CRACDL: variants seen among roughly 807,000 people sequenced by gnomAD.
The protein encoded by CRACDL is CRACD like.
CRACDL carries 26 observed loss-of-function variants against 70.6 expected under a neutral mutation model. The ratio of observed to expected loss-of-function variants is 0.37; its 90% CI spans 0.27 to 0.51. The LOEUF (loss-of-function observed/expected upper bound fraction) is 0.51. Ranked by LOEUF, CRACDL falls within the 20% of genes least tolerant of loss-of-function variation. The probability of loss-of-function intolerance (pLI) is 0.94; values close to 1 mark genes in which losing one functional copy is unlikely to be tolerated. For missense variants in CRACDL, 1,283 were observed against 1,376.9 expected, an observed-to-expected ratio of 0.93 and a Z score of 1.08; for synonymous variants, 618 against 615.2, an observed-to-expected ratio of 1.00 and a Z score of -0.07.
chr2:98,922,438 CAAAAAAA>C (rs565954351), intron 1 of CRACDL, among the ~76,000 whole-genome samples: 2 of 63,464 alleles, frequency 3.2e-5, no homozygotes, highest in Non-Finnish European at 3.4e-5. Context: ...GACTCCGTCT[CAAAAAAA>C]AAAAAAAAAA....
chr2:98,831,245 A>T (rs1705529928), intron 5 of CRACDL, among the ~76,000 whole-genome samples: 1 of 152,190 alleles, frequency 6.6e-6, no homozygotes, highest in Admixed American at 6.5e-5. Context: ...AGCCGGCTTC[A>T]TGTCAGTCCC....
chr2:98,854,533 G>C (rs1340508383), intron 1 of CRACDL, among the ~76,000 whole-genome samples: 2 of 151,760 alleles, frequency 1.3e-5, no homozygotes, highest in Non-Finnish European at 2.9e-5. Context: ...AAAATGAATA[G>C]GTAAGTGACT....
At chr2:98,914,004 T>G (rs1412983451) in intron 1 of CRACDL, among the ~76,000 whole-genome samples, 1 of 152,192 alleles carries the variant, frequency 6.6e-6, no homozygotes, top group African/African-American at 2.4e-5. Context: ...GCTGCCTCCC[T>G]CCCAGAATGG....
At chr2:98,807,366 T>C (rs961076786) in intron 7 of CRACDL, among the ~76,000 whole-genome samples, 3 of 152,268 alleles carry the variant, frequency 2.0e-5, no homozygotes, top group Non-Finnish European at 4.4e-5. Flanking sequence ...CATTTTGGGC[T>C]GGATAGGTCT....
chr2:98,916,933 G>T (rs760268465), intron 1 of CRACDL, among the ~76,000 whole-genome samples: 2 of 152,196 alleles, frequency 1.3e-5, no homozygotes, highest in Non-Finnish European at 2.9e-5. Flanking sequence ...CTAAATGACA[G>T]TACTTTGCAC....
intron 6 of CRACDL, 85 bp downstream of exon 6, chr2:98,826,890 G>T: frequency 1.0e-6 from 1 of 977,320 alleles, no homozygotes; most frequent in South Asian, 1.5e-5. Flanking sequence ...ACCCTGTGTG[G>T]GGGAGTGAGG....
chr2:98,915,700 C>T lies in CRACDL; in HGVS notation c.-11+20238G>A, dbSNP rs139830446. Among the ~76,000 whole-genome samples the T allele has an allele frequency of 1.9e-4, 29 of 152,252 alleles. 1 individual carries two copies. The East Asian group carries it at 5.6e-3, about 29-fold the overall frequency. ...GTGGGGGAAATAGCTGTGAGCCACA[C>T]ATAGGTGTAGGCAAGGGCATGAGTG... On this transcript the variant is annotated intron_variant, in intron 1 of 9. Transcript: ENST00000397899.
chr2:98,901,121 C>G (rs959834475), intron 1 of CRACDL, among the ~76,000 whole-genome samples: 1 of 152,188 alleles, frequency 6.6e-6, no homozygotes, highest in Non-Finnish European at 1.5e-5. Flanking sequence ...CTTAGAGTAC[C>G]GTGACCTTGG....
At chr2:98,795,077 A>ATAT in intron 9 of CRACDL, among the ~76,000 whole-genome samples, 5 of 58,496 alleles carry the variant, frequency 8.5e-5, no homozygotes, top group South Asian at 9.8e-4. Context: ...ATATATATAT[A>ATAT]TTTTTTTTTT....
At chr2:98,826,504 G>A (rs1559218336) in intron 6 of CRACDL, among the ~76,000 whole-genome samples, 1 of 152,222 alleles carries the variant, frequency 6.6e-6, no homozygotes. Flanking sequence ...TGAACGGGCA[G>A]GGTGAGTTTT....
At chr2:98,921,254 C>T (rs1362117640) in intron 1 of CRACDL, among the ~76,000 whole-genome samples, 1 of 152,204 alleles carries the variant, frequency 6.6e-6, no homozygotes, top group Non-Finnish European at 1.5e-5. Context: ...CCAGAAGGTC[C>T]CACCCAGCCC....
At chr2:98,869,012 G>T in intron 1 of CRACDL, 1 of 1,078,590 alleles carries the variant, frequency 9.3e-7, no homozygotes, top group Non-Finnish European at 1.3e-6. Context: ...CGCCCCGGGA[G>T]TCACGGCCTG....
At chr2:98,827,969 T>C (rs541838675) in intron 5 of CRACDL, among the ~76,000 whole-genome samples, 6 of 152,366 alleles carry the variant, frequency 3.9e-5, no homozygotes, top group Non-Finnish European at 8.8e-5. Context: ...CTCTGTGTGC[T>C]CATGTATCCT....
At position 98,929,479 on chromosome 2, in the gene CRACDL, C is replaced by T. The variant is rs574007688; in HGVS notation, c.-11+6459G>A. ...AGCATCTACAGTGGGACGGGGGAGC[C>T]GCCTCTCTGGTCATGTCTCTGTCCT... is the stretch of plus-strand genomic sequence containing the variant. On this transcript the variant is annotated intron_variant, in intron 1 of 9. Transcript: ENST00000397899. Among the ~76,000 whole-genome samples, 5 of 152,222 alleles carry T rather than the reference C, an allele frequency of 3.3e-5. 1 individual carries two copies. The highest frequency in any genetic ancestry group is 4.2e-4 in the South Asian group (2 of 4,814).
At chr2:98,903,655 A>G (rs184689010) in intron 1 of CRACDL, among the ~76,000 whole-genome samples, 1 of 152,334 alleles carries the variant, frequency 6.6e-6, no homozygotes, top group African/African-American at 2.4e-5. Context: ...TAATGTGCCA[A>G]TATACCAATG....
At chr2:98,820,086 G>A (rs1408512438) in intron 7 of CRACDL, among the ~76,000 whole-genome samples, 4 of 151,578 alleles carry the variant, frequency 2.6e-5, no homozygotes, top group Admixed American at 2.6e-4. Flanking sequence ...CCAAAGTGCT[G>A]GGATTACAAG....
chr2:98,910,487 C>T (rs2104673835), intron 1 of CRACDL, among the ~76,000 whole-genome samples: 1 of 151,780 alleles, frequency 6.6e-6, no homozygotes, highest in African/African-American at 2.4e-5. Context: ...CGTCACTACA[C>T]TCCAGCCTGG....
chr2:98,883,213 G>C (rs1375810656), intron 1 of CRACDL, among the ~76,000 whole-genome samples: 1 of 152,216 alleles, frequency 6.6e-6, no homozygotes, highest in Non-Finnish European at 1.5e-5. Flanking sequence ...CAGGGGCGGG[G>C]TGCCCTAGGG....
chr2:98,831,371 G>GAA (rs1432748119), intron 5 of CRACDL, among the ~76,000 whole-genome samples: 2 of 152,190 alleles, frequency 1.3e-5, no homozygotes, highest in Non-Finnish European at 2.9e-5. Context: ...TGTCCACACT[G>GAA]AAGTGGCTTC....
Sources: gnomAD v4.1 joint callset for allele counts (sites outside exome capture counted in the v4.1 genomes callset) on GRCh38, gnomAD v4.1.1 for gene constraint, MANE v1.5 for transcripts, NCBI Gene and HGNC (gene_info 2026-07-23, HGNC 2026-07-21) for gene names.